Variants in PHF21A observed in about 807,000 individuals in gnomAD.
The protein encoded by PHF21A is PHD finger protein 21A.
Under a neutral mutation model 82.5 loss-of-function variants are expected in PHF21A, and 11 were observed. The observed-to-expected ratio is 0.13, with a 90% CI of 0.08 to 0.22. PHF21A has a LOEUF of 0.22. Ranked by LOEUF, PHF21A falls within the 10% of genes least tolerant of loss-of-function variation. PHF21A has a pLI of 1.00. For missense variants in PHF21A, 579 were observed against 837.8 expected, an observed-to-expected ratio of 0.69 and a Z score of 3.81; for synonymous variants, 297 against 302.8, an observed-to-expected ratio of 0.98 and a Z score of 0.20.
chr11:45,934,081 A>G lies in PHF21A; in HGVS notation c.1933T>C (p.Ser645Pro), dbSNP rs1023133603. ...VDSEATVGAI[S>P]NGPDCTPPAN... ...GGGGGGGTGCAGTCCGGGCCATTGG[A>G]GATGGCCCCCACAGTGGCCTCAGAG... Residue 645 changes from serine (S) to proline (P), a missense_variant, in exon 19 of 19, where the codon TCC becomes CCC. Physicochemically the swap from Ser to Pro is moderately conservative, Grantham distance 74. Coordinates refer to ENST00000676320, the MANE Select transcript of PHF21A (RefSeq NM_001352027.3). 2.4e-5 allele frequency: 38 copies of G among 1,613,832 alleles called. No individual in the cohort carries two copies. Among genetic ancestry groups the G allele is most frequent in the Non-Finnish European group, 3.2e-5 (38 of 1,179,826 alleles).
At chr11:45,967,954 G>A (rs996533035) in intron 9 of PHF21A, among the ~76,000 whole-genome samples, 4 of 152,178 alleles carry the variant, frequency 2.6e-5, no homozygotes, top group South Asian at 2.1e-4. Flanking sequence ...TAAACACTCT[G>A]GTTACAATCC....
intron 6 of PHF21A, among the ~76,000 whole-genome samples, chr11:46,012,174 A>C (rs1326336258): frequency 6.6e-6 from 1 of 152,148 alleles, no homozygotes; most frequent in Non-Finnish European, 1.5e-5. Context: ...CTAACCTTCT[A>C]ATCATCCATG....
intron 6 of PHF21A, among the ~76,000 whole-genome samples, chr11:46,054,204 TA>T (rs2096414874): frequency 1.3e-5 from 2 of 152,282 alleles, no homozygotes; most frequent in African/African-American, 4.8e-5. Flanking sequence ...CCAACTCATT[TA>T]AAAAAATTTT....
intron 6 of PHF21A, among the ~76,000 whole-genome samples, chr11:46,001,991 T>C (rs1050271676): frequency 1.3e-5 from 2 of 152,182 alleles, no homozygotes; most frequent in Non-Finnish European, 1.5e-5. Context: ...GGCAAGACGA[T>C]GCCATTTCTA....
rs2095861198 is a variant in PHF21A, at chr11:46,031,227, C to G, written c.153+45527G>C. On this transcript the variant is annotated intron_variant, in intron 6 of 18. Coordinates refer to ENST00000676320, the MANE Select transcript of PHF21A (RefSeq NM_001352027.3). ...TCTGCAATAATGTCCCTTCCAACCT[C>G]TTTCCATACCTTTTGTCCCTTACCA... 2.0e-5 allele frequency among the ~76,000 whole-genome samples: 3 copies of G among 152,216 alleles called. 1 individual carries two copies. The South Asian group carries it at 6.2e-4, about 31-fold the overall frequency.
intron 14 of PHF21A, among the ~76,000 whole-genome samples, 191 bp downstream of exon 14, chr11:45,948,695 T>C (rs1565203805): frequency 2.0e-5 from 3 of 152,260 alleles, no homozygotes; most frequent in Admixed American, 6.5e-5. Context: ...AGTCAGCTTT[T>C]GATTCAGCAT....
At chr11:46,086,094 G>A (rs2096853179) in intron 3 of PHF21A, among the ~76,000 whole-genome samples, 1 of 151,772 alleles carries the variant, frequency 6.6e-6, no homozygotes, top group South Asian at 2.1e-4. Flanking sequence ...ATACTATGGT[G>A]AACAAATCTG....
chr11:46,118,494 C>T (rs1215707242), intron 1 of PHF21A, among the ~76,000 whole-genome samples: 3 of 150,682 alleles, frequency 2.0e-5, no homozygotes, highest in Non-Finnish European at 4.4e-5. Context: ...ACTTTGTGCA[C>T]TATTACTATG....
At chr11:46,097,932 C>T (rs1261558159) in intron 1 of PHF21A, among the ~76,000 whole-genome samples, 1 of 152,016 alleles carries the variant, frequency 6.6e-6, no homozygotes, top group African/African-American at 2.4e-5. Context: ...GTTCACAGGC[C>T]CTACCCTTAA....
chr11:46,119,179 A>C (rs1852254851), intron 1 of PHF21A, among the ~76,000 whole-genome samples: 1 of 152,170 alleles, frequency 6.6e-6, no homozygotes, highest in Non-Finnish European at 1.5e-5. Context: ...TTATTTATAT[A>C]TAAATGTTCT....
In PHF21A at chr11:46,027,644, A is replaced by G. The variant is rs1001033444; in HGVS notation, c.154-47678T>C. Among the ~76,000 whole-genome samples the G allele has an allele frequency of 6.6e-5, 10 of 152,350 alleles. No homozygotes were observed. The South Asian group carries it at 8.3e-4, about 13-fold the overall frequency. On this transcript the variant is annotated intron_variant, in intron 6 of 18. Transcript: ENST00000676320. ...AAGATCTTTAAAATACCCAAGTGCT[A>G]AAGACATTCTCCTTATTCACCTTCC...
chr11:45,992,325 G>A (rs1265362654), intron 6 of PHF21A, among the ~76,000 whole-genome samples: 1 of 150,736 alleles, frequency 6.6e-6, no homozygotes, highest in Admixed American at 6.6e-5. Context: ...GAGGTCAGGA[G>A]ATCAAGACCA....
intron 6 of PHF21A, among the ~76,000 whole-genome samples, chr11:46,000,190 G>A (rs1410855756): frequency 1.3e-5 from 2 of 152,188 alleles, no homozygotes; most frequent in Admixed American, 1.3e-4. Flanking sequence ...AACATATTTA[G>A]CACGAAGAAA....
At chr11:46,059,464 C>T (rs1179942972) in intron 6 of PHF21A, among the ~76,000 whole-genome samples, 8 of 152,112 alleles carry the variant, frequency 5.3e-5, no homozygotes, top group East Asian at 3.9e-4. Context: ...GTTCCACTGT[C>T]GCCCAGATGG....
At chr11:45,960,045 T>C (rs1490530377) in intron 10 of PHF21A, among the ~76,000 whole-genome samples, 1 of 152,196 alleles carries the variant, frequency 6.6e-6, no homozygotes, top group Admixed American at 6.5e-5. Context: ...GTGGTAAGGA[T>C]GCGGAGACAA....
chr11:46,116,222 T>G (rs989253176), intron 1 of PHF21A, among the ~76,000 whole-genome samples: 5 of 152,214 alleles, frequency 3.3e-5, no homozygotes, highest in Non-Finnish European at 5.9e-5. Context: ...CCTCTAGATT[T>G]GAGTAGTCAT....
rs904485019 is a variant in PHF21A at position 46,018,711 on chromosome 11, AT to A, written c.154-38746del. Among the ~76,000 whole-genome samples the A allele has an allele frequency of 7.7e-3, 1,138 of 148,656 alleles. 9 individuals are homozygous for A. Among genetic ancestry groups the A allele is most frequent in the Middle Eastern group, 0.028 (8 of 288 alleles). ...AACAAAATCCTGATATGGACAACAC[AT>A]TTTTTTTTTTAAATTCAAGAAAACA... On this transcript the variant is annotated intron_variant, in intron 6 of 18. Coordinates refer to ENST00000676320, the MANE Select transcript of PHF21A (RefSeq NM_001352027.3).
chr11:46,065,302 G>A (rs894384886), intron 6 of PHF21A, among the ~76,000 whole-genome samples: 4 of 152,118 alleles, frequency 2.6e-5, no homozygotes, highest in Non-Finnish European at 5.9e-5. Context: ...TCTAATTAAA[G>A]TTTTCCATAA....
chr11:46,042,702 C>T (rs1032094284), intron 6 of PHF21A, among the ~76,000 whole-genome samples: 4 of 152,008 alleles, frequency 2.6e-5, no homozygotes, highest in Non-Finnish European at 2.9e-5. Flanking sequence ...CATTAGGTCA[C>T]GAGGGCCCTC....
Sources: gnomAD v4.1 joint callset for allele counts (sites outside exome capture counted in the v4.1 genomes callset) on GRCh38, gnomAD v4.1.1 for gene constraint, MANE v1.5 for transcripts, NCBI Gene and HGNC (gene_info 2026-07-23, HGNC 2026-07-21) for gene names.